Variants in MAPK10 observed in about 807,000 individuals in gnomAD.
MAPK10 encodes JNK3 alpha protein kinase.
A neutral mutation model predicts 59.3 loss-of-function variants in MAPK10; 25 were observed. That is an observed-to-expected ratio of 0.42 (90% CI 0.31 to 0.59). The LOEUF (loss-of-function observed/expected upper bound fraction) is 0.59. Among genes scored for constraint, MAPK10 ranks in the 20% least tolerant of loss-of-function variants. The pLI is 0.15. For synonymous variants in MAPK10, 190 were observed against 200.5 expected, an observed-to-expected ratio of 0.95 and a Z score of 0.44; for missense variants, 351 against 568.9, an observed-to-expected ratio of 0.62 and a Z score of 3.90.
Position 86,194,542 on chromosome 4 carries a change from A to G in MAPK10, c.-6-135T>C, listed in dbSNP as rs2149316814. The G allele has an allele frequency of 7.7e-6, 5 of 649,140 alleles. No homozygotes were observed. The South Asian group carries it at 9.1e-5, about 12-fold the overall frequency. 40.2% of individuals were successfully genotyped at this position (649,140 alleles called of 1,614,324 possible). On this transcript the variant is annotated intron_variant, in intron 2 of 13. Coordinates refer to ENST00000641462, the MANE Select transcript of MAPK10 (RefSeq NM_138982.4). The stretch of plus-strand genomic sequence containing the variant: ...TATCTCCAACATAATCCTTATCTTG[A>G]CCTGTACTATACCTTTCACAAATTG...
intron 1 of MAPK10, among the ~76,000 whole-genome samples, chr4:86,569,313 G>C (rs1023462509): frequency 6.6e-6 from 1 of 152,118 alleles, no homozygotes; most frequent in Non-Finnish European, 1.5e-5. Context: ...GTGTTGACGA[G>C]GATGCAGAGA....
At chr4:86,375,962 A>G (rs1315039570) in intron 1 of MAPK10, among the ~76,000 whole-genome samples, 3 of 152,072 alleles carry the variant, frequency 2.0e-5, no homozygotes, top group Non-Finnish European at 2.9e-5. Context: ...CTGAGTGTCT[A>G]CTAGGTGCAG....
At chr4:86,124,136 G>A (rs1335143403) in intron 4 of MAPK10, 13 of 151,930 alleles carry the variant, frequency 8.6e-5, no homozygotes, top group Middle Eastern at 3.4e-3. Flanking sequence ...AAAAATTTTT[G>A]CTGAACATAA....
chr4:86,260,098 C>T (rs538280842), intron 2 of MAPK10, among the ~76,000 whole-genome samples: 22 of 152,034 alleles, frequency 1.4e-4, no homozygotes, highest in Non-Finnish European at 2.7e-4. Flanking sequence ...TCACAATAAC[C>T]CTATACAACA....
At chr4:86,089,098 ACTCT>A in intron 9 of MAPK10, 2 of 795,786 alleles carry the variant, frequency 2.5e-6, no homozygotes, top group Non-Finnish European at 3.9e-6. Flanking sequence ...TCTCATAGAA[ACTCT>A]CTAAGGACAG....
At chr4:86,166,492 C>CA (rs1218171379) in intron 3 of MAPK10, among the ~76,000 whole-genome samples, 2 of 151,914 alleles carry the variant, frequency 1.3e-5, no homozygotes, top group Non-Finnish European at 2.9e-5. Context: ...AGAAGTTAGA[C>CA]AACATTTAAG....
At chr4:86,235,955 T>A (rs2092177565) in intron 2 of MAPK10, among the ~76,000 whole-genome samples, 1 of 152,128 alleles carries the variant, frequency 6.6e-6, no homozygotes, top group Non-Finnish European at 1.5e-5. Context: ...TGGGCTAAAG[T>A]CAAGGGGTTG....
At chr4:86,395,329 C>T (rs189544322) in intron 1 of MAPK10, among the ~76,000 whole-genome samples, 274 of 152,272 alleles carry the variant, frequency 1.8e-3, no homozygotes, top group Non-Finnish European at 2.6e-3. Flanking sequence ...ATAAAATAAA[C>T]ATTTTCTCCT....
At chr4:86,285,827 C>A (rs1464458836) in intron 2 of MAPK10, among the ~76,000 whole-genome samples, 1 of 152,184 alleles carries the variant, frequency 6.6e-6, no homozygotes, top group African/African-American at 2.4e-5. Flanking sequence ...ACCAGGGAAG[C>A]CAATGGTATG....
rs371887915 is a variant in MAPK10, at chr4:86,228,812, GTAAGC to G, written c.-6-34410_-6-34406del. Among the ~76,000 whole-genome samples the G allele has an allele frequency of 7.6e-3, 1,153 of 152,242 alleles. 14 individuals are homozygous for G. The highest frequency in any genetic ancestry group is 0.026 in the African/African-American group (1,098 of 41,530). ...TGAATGAATGAAGACAGATTCCCGGGTAAGCTATGATTTCTCTCAGTCTAGCTTCA... is the reference window on the plus strand; with the variant it reads ...TGAATGAATGAAGACAGATTCCCGGGTATGATTTCTCTCAGTCTAGCTTCA... On this transcript the variant is annotated intron_variant, in intron 2 of 13. Coordinates refer to ENST00000641462, the MANE Select transcript of MAPK10 (RefSeq NM_138982.4).
chr4:86,294,028 C>T (rs1475906635), intron 2 of MAPK10, among the ~76,000 whole-genome samples: 5 of 152,158 alleles, frequency 3.3e-5, no homozygotes, highest in Non-Finnish European at 7.4e-5. Flanking sequence ...CCCAGAAGTG[C>T]GGAGTTAACA....
At chr4:86,550,285 TC>T (rs1172168809) in intron 1 of MAPK10, among the ~76,000 whole-genome samples, 1 of 147,880 alleles carries the variant, frequency 6.8e-6, no homozygotes, top group Admixed American at 6.9e-5. Context: ...GTGTGCTAGA[TC>T]CACAGGGCTA....
At chr4:86,507,653 T>TATATATATAC (rs1564963818) in intron 1 of MAPK10, among the ~76,000 whole-genome samples, 3 of 88,926 alleles carry the variant, frequency 3.4e-5, no homozygotes, top group Non-Finnish European at 7.2e-5. Context: ...TATATATATA[T>TATATATATAC]ATATATATAT....
chr4:86,051,907 G>T (rs2043613397), intron 11 of MAPK10, among the ~76,000 whole-genome samples: 1 of 151,986 alleles, frequency 6.6e-6, no homozygotes, highest in South Asian at 2.1e-4. Flanking sequence ...TATCGCAAAG[G>T]AAGTGAGTGC....
intron 1 of MAPK10, among the ~76,000 whole-genome samples, chr4:86,542,843 C>A (rs1758831669): frequency 6.6e-6 from 1 of 152,172 alleles, no homozygotes; most frequent in African/African-American, 2.4e-5. Flanking sequence ...TGTTTTCATG[C>A]AATCTCTGTC....
chr4:86,118,872 A>T (rs762496966), intron 4 of MAPK10, among the ~76,000 whole-genome samples: 21 of 152,176 alleles, frequency 1.4e-4, no homozygotes, highest in Non-Finnish European at 1.8e-4. Context: ...CTTTAATAAG[A>T]ATCATGTTTT....
chr4:86,486,625 G>A (rs1754017750), intron 1 of MAPK10, among the ~76,000 whole-genome samples: 1 of 152,130 alleles, frequency 6.6e-6, no homozygotes, highest in Non-Finnish European at 1.5e-5. Context: ...TAAAAATATG[G>A]CATGAGGTTA....
At chr4:86,574,160 G>T (rs1047166675) in intron 1 of MAPK10, among the ~76,000 whole-genome samples, 3 of 151,448 alleles carry the variant, frequency 2.0e-5, no homozygotes, top group African/African-American at 7.3e-5. Context: ...GCGGTGTTTG[G>T]TTTTTTGTCC....
intron 2 of MAPK10, among the ~76,000 whole-genome samples, chr4:86,212,513 C>T (rs181519694): frequency 1.6e-4 from 25 of 152,086 alleles, no homozygotes; most frequent in Admixed American, 4.6e-4. Flanking sequence ...AAAGTGAGAC[C>T]CTGTCTTGAA....
Sources: gnomAD v4.1 joint callset for allele counts (sites outside exome capture counted in the v4.1 genomes callset) on GRCh38, gnomAD v4.1.1 for gene constraint, MANE v1.5 for transcripts, NCBI Gene and HGNC (gene_info 2026-07-23, HGNC 2026-07-21) for gene names.